The following SGCD variants were observed in gnomAD, a reference collection of about 807,000 sequenced individuals.
SGCD encodes the protein delta-sarcoglycan.
In SGCD, 18 loss-of-function variants were observed where a neutral mutation model predicts 36.6. The ratio of observed to expected loss-of-function variants is 0.49; its 90% confidence interval spans 0.34 to 0.73. SGCD has a LOEUF of 0.73. Among genes scored for constraint, SGCD ranks in the 30% least tolerant of loss-of-function variants. The pLI, the probability that SGCD is intolerant of heterozygous loss-of-function variation, is 0.01. For synonymous variants in SGCD, 133 were observed against 130.6 expected (o/e 1.02, Z -0.12); for missense variants, 387 against 346.7 (o/e 1.12, Z -0.92).
At chr5:156,487,614 C>T (rs559730665) in intron 3 of SGCD, among the ~76,000 whole-genome samples, 1 of 150,994 alleles carries the variant, frequency 6.6e-6, no homozygotes, top group Non-Finnish European at 1.5e-5. Flanking sequence ...GTGGTGAAAC[C>T]CCATCTCTAC....
At chr5:156,568,317 G>A (rs1025773521) in intron 4 of SGCD, among the ~76,000 whole-genome samples, 1 of 152,206 alleles carries the variant, frequency 6.6e-6, no homozygotes, top group African/African-American at 2.4e-5. Context: ...CCGGGAGGCA[G>A]AGGTAGTGAG....
chr5:155,769,904 G>A, the SGCD span, among the ~76,000 whole-genome samples: 2 of 151,876 alleles, frequency 1.3e-5, no homozygotes, highest in African/African-American at 4.8e-5. Context: ...CCTTTCCTAC[G>A]CCCTACACAA....
At chr5:156,086,021 G>C (rs1761083242) in intron 1 of SGCD, among the ~76,000 whole-genome samples, 1 of 152,178 alleles carries the variant, frequency 6.6e-6, no homozygotes, top group South Asian at 2.1e-4. Context: ...CTTATACTGT[G>C]TTTGGGTGTA....
At chr5:156,261,350 T>C (rs1258037362) in intron 3 of SGCD, among the ~76,000 whole-genome samples, 2 of 152,338 alleles carry the variant, frequency 1.3e-5, no homozygotes, top group Admixed American at 1.3e-4. Flanking sequence ...TTATTATTTC[T>C]ATTAATACAG....
the SGCD span, among the ~76,000 whole-genome samples, chr5:155,730,756 C>G: frequency 6.6e-6 from 1 of 152,186 alleles, no homozygotes; most frequent in African/African-American, 2.4e-5. Flanking sequence ...GGCTTTCCCT[C>G]CAGAGGAAGT....
chr5:156,558,110 T>TAG (rs1290153020), intron 4 of SGCD, among the ~76,000 whole-genome samples: 3 of 136,408 alleles, frequency 2.2e-5, no homozygotes, highest in Non-Finnish European at 4.7e-5. Context: ...TATATATATA[T>TAG]ATATATATAT....
At chr5:156,528,538 C>T (rs1489434778) in intron 4 of SGCD, among the ~76,000 whole-genome samples, 1 of 152,112 alleles carries the variant, frequency 6.6e-6, no homozygotes, top group South Asian at 2.1e-4. Flanking sequence ...GAGAGACAAA[C>T]ATCTCTTCAA....
At chr5:155,948,260 G>C (rs1757479672) in intron 1 of SGCD, among the ~76,000 whole-genome samples, 2 of 152,130 alleles carry the variant, frequency 1.3e-5, no homozygotes, top group South Asian at 4.2e-4. Flanking sequence ...CTGGGCGACA[G>C]GGTGACATTC....
In SGCD at chr5:156,669,870, T is replaced by A. The variant is rs1488343758; in HGVS notation, c.575+22334T>A. ...CCCAAAAGCAGTCCTAGATTTTTTT[T>A]AATCTTTTAAATTTAAGTAGGTATT... On this transcript the variant is annotated intron_variant, in intron 7 of 8. Coordinates refer to ENST00000337851, the MANE Select transcript of SGCD (RefSeq NM_000337.6). Among the ~76,000 whole-genome samples the A allele has an allele frequency of 2.6e-5, 4 of 152,282 alleles. No homozygotes were observed. The East Asian group carries it at 7.7e-4, about 29-fold the overall frequency.
chr5:156,235,558 T>C (rs932283652), intron 3 of SGCD, among the ~76,000 whole-genome samples: 4 of 152,346 alleles, frequency 2.6e-5, no homozygotes, highest in East Asian at 1.9e-4. Flanking sequence ...GTGTCAGAGA[T>C]AGAGTTGTTC....
chr5:156,085,196 A>G (rs1761063215), intron 1 of SGCD, among the ~76,000 whole-genome samples: 1 of 151,422 alleles, frequency 6.6e-6, no homozygotes, highest in Admixed American at 6.6e-5. Context: ...TTCTGTCTCT[A>G]TCTGGTTTTG....
rs374334292 is a variant in SGCD at position 156,126,106 on chromosome 5, C to T, written c.-44+2087C>T. ...ATATTGTCCACGCTGGTCTCGAACT[C>T]CTGAACTCAAGTGATCCTACCGCCT... On this transcript the variant is annotated intron_variant, in intron 3 of 9. Coordinates refer to the SGCD transcript ENST00000517913. Among the ~76,000 whole-genome samples, 5 of 152,086 alleles carry T rather than the reference C, an allele frequency of 3.3e-5. No individual in the cohort carries two copies. In the East Asian group the frequency reaches 9.7e-4, roughly 29 times the overall value.
At chr5:155,752,709 G>A in the SGCD span, among the ~76,000 whole-genome samples, 1 of 152,082 alleles carries the variant, frequency 6.6e-6, no homozygotes, top group Non-Finnish European at 1.5e-5. Context: ...AAAGCACCAT[G>A]ATATTAAGGG....
rs1489974558 is a variant in SGCD, at chr5:156,605,338, A to C, written c.502+10287A>C. ...TCCTTGCAATAGTTTGCTGAGAATGATGGTTTCCAGCTTCATCCATGTCCC... is the reference window on the plus strand; with the variant it reads ...TCCTTGCAATAGTTTGCTGAGAATGCTGGTTTCCAGCTTCATCCATGTCCC... On this transcript the variant is annotated intron_variant, in intron 6 of 8. Transcript: ENST00000337851. 5.3e-5 allele frequency among the ~76,000 whole-genome samples: 8 copies of C among 152,088 alleles called. No homozygotes were observed. The East Asian group carries it at 1.5e-3, about 29-fold the overall frequency.
intron 3 of SGCD, among the ~76,000 whole-genome samples, chr5:156,148,218 T>A (rs1218972241): frequency 1.3e-5 from 2 of 152,138 alleles, no homozygotes; most frequent in African/African-American, 4.8e-5. Context: ...ATAAAAAGTA[T>A]AACAAAATAT....
chr5:155,970,846 C>A (rs1757994440), intron 1 of SGCD, among the ~76,000 whole-genome samples: 1 of 152,172 alleles, frequency 6.6e-6, no homozygotes, highest in Non-Finnish European at 1.5e-5. Context: ...TAGCAAGTAT[C>A]AGGACATCTA....
At chr5:156,511,693 T>C (rs1465712113) in intron 4 of SGCD, among the ~76,000 whole-genome samples, 2 of 152,216 alleles carry the variant, frequency 1.3e-5, no homozygotes, top group Non-Finnish European at 2.9e-5. Context: ...TTTTATTCCT[T>C]ATAACTGTCA....
At chr5:156,329,273 AACACATGTATT>A (rs1331171954) in intron 1 of SGCD, among the ~76,000 whole-genome samples, 1 of 152,178 alleles carries the variant, frequency 6.6e-6, no homozygotes, top group African/African-American at 2.4e-5. Flanking sequence ...ACAGGAATGA[AACACATGTATT>A]AGAAATAGCC....
At chr5:156,252,300 C>G (rs1340583141) in intron 3 of SGCD, among the ~76,000 whole-genome samples, 1 of 151,744 alleles carries the variant, frequency 6.6e-6, no homozygotes, top group Admixed American at 6.6e-5. Flanking sequence ...TGGTCTCGAA[C>G]TTCCAGCCTC....
Sources: allele counts gnomAD v4.1 joint callset (sites outside exome capture counted in the v4.1 genomes callset), GRCh38; gene constraint gnomAD v4.1.1; transcripts MANE v1.5; gene names NCBI Gene and HGNC (gene_info 2026-07-23, HGNC 2026-07-21).